OR9Q1: variants seen among roughly 807,000 people sequenced by gnomAD.
OR9Q1 encodes olfactory receptor family 9 subfamily Q member 1, also known as olfactory receptor 9Q1.
For missense variants in OR9Q1, 374 were observed against 378.8 expected, an observed-to-expected ratio of 0.99 and a Z score of 0.11; for synonymous variants, 153 against 148.6, an observed-to-expected ratio of 1.03 and a Z score of -0.22.
At chr11:58,062,416 A>C (rs1012239184) in intron 2 of OR9Q1, among the ~76,000 whole-genome samples, 1 of 152,156 alleles carries the variant, frequency 6.6e-6, no homozygotes, top group Non-Finnish European at 1.5e-5. Flanking sequence ...TCCAGTCCTA[A>C]GGATATGCCT....
intron 2 of OR9Q1, among the ~76,000 whole-genome samples, chr11:58,150,113 C>T (rs1854336177): frequency 6.6e-6 from 1 of 152,192 alleles, no homozygotes; most frequent in South Asian, 2.1e-4. Flanking sequence ...AAGTTTTTCA[C>T]ATGCTCAACA....
rs950843339 is a variant in OR9Q1, at chr11:58,180,191, C to G, written c.747C>G (p.Leu249=). The change falls in exon 3 of 3, where the codon CTC becomes CTG. Residue 249 remains leucine, a synonymous_variant. Transcript: ENST00000335397. ...CCTCCCACCTCACTGCTGTGTCACT[C>G]TTCTTTGGTACCCTCATCTTCATGT... The part of the protein sequence containing the change: ...TCTSHLTAVS[L]FFGTLIFMYL... 1.2e-6 allele frequency: 2 copies of G among 1,613,922 alleles called. No individual in the cohort carries two copies. The highest frequency in any genetic ancestry group is 2.7e-5 in the African/African-American group (2 of 74,910).
At chr11:58,152,685 G>T (rs1355371240) in intron 2 of OR9Q1, among the ~76,000 whole-genome samples, 27 of 152,042 alleles carry the variant, frequency 1.8e-4, no homozygotes, top group Non-Finnish European at 1.5e-5. Context: ...GATGCTTTTA[G>T]GCTCCAAAAA....
chr11:58,148,824 G>A (rs1854323498), intron 2 of OR9Q1, among the ~76,000 whole-genome samples: 1 of 152,188 alleles, frequency 6.6e-6, no homozygotes, highest in African/African-American at 2.4e-5. Flanking sequence ...GATAGAAGTT[G>A]AAAAGAAAGT....
At chr11:58,119,482 A>G in intron 2 of OR9Q1, 3 of 1,283,982 alleles carry the variant, frequency 2.3e-6, no homozygotes, top group Non-Finnish European at 3.3e-6. Flanking sequence ...GATGATAATG[A>G]AATAAAAAGA....
intron 2 of OR9Q1, among the ~76,000 whole-genome samples, chr11:58,151,097 C>A (rs983474994): frequency 6.6e-6 from 1 of 152,186 alleles, no homozygotes; most frequent in Admixed American, 6.5e-5. Flanking sequence ...GGGTATGCCA[C>A]ATGCAAGTTA....
intron 2 of OR9Q1, among the ~76,000 whole-genome samples, chr11:58,166,400 A>G (rs1003220807): frequency 6.6e-6 from 1 of 152,130 alleles, no homozygotes; most frequent in Non-Finnish European, 1.5e-5. Context: ...TACTTTTTGT[A>G]TTTCAACAAA....
intron 1 of OR9Q1, among the ~76,000 whole-genome samples, chr11:58,040,012 A>C (rs1380996101): frequency 2.6e-5 from 4 of 152,216 alleles, no homozygotes; most frequent in Non-Finnish European, 4.4e-5. Context: ...AATATCATGA[A>C]GTCAGTGCTA....
Position 58,179,945 on chromosome 11 carries a change from C to T in OR9Q1, c.501C>T (p.Ser167=), listed in dbSNP as rs761304225. 1 of 1,612,832 alleles carries T rather than the reference C, an allele frequency of 6.2e-7. No homozygotes were observed. Among genetic ancestry groups the T allele is most frequent in the Admixed American group, 1.7e-5 (1 of 60,016 alleles). Residue 167 remains serine, a synonymous_variant, in exon 3 of 3, where the codon TCC becomes TCT. Transcript: ENST00000335397. ...LVRTVSAFTL[S]FCGTSEIDFI... ...GGACAGTCTCAGCCTTCACTCTCTC[C>T]TTCTGTGGAACCAGTGAGATTGACT...
intron 1 of OR9Q1, among the ~76,000 whole-genome samples, chr11:58,042,461 T>A (rs1042853653): frequency 6.6e-6 from 1 of 151,772 alleles, no homozygotes; most frequent in Non-Finnish European, 1.5e-5. Context: ...GTTGTAGATA[T>A]GCGGCGTTAT....
In OR9Q1 at chr11:58,059,774, T is replaced by C. The variant is rs142855116; in HGVS notation, c.-15+3827T>C. Among the ~76,000 whole-genome samples the C allele has an allele frequency of 6.6e-5, 10 of 151,200 alleles. No homozygotes were observed. In the East Asian group the frequency reaches 1.7e-3, roughly 26 times the overall value. ...AAATAAAAATCTCTATTATTTCTAT[T>C]ATTATAGTTTTATTAACAGAAAGCA... On this transcript the variant is annotated intron_variant, in intron 2 of 2. Transcript: ENST00000335397.
intron 2 of OR9Q1, among the ~76,000 whole-genome samples, chr11:58,078,992 G>A (rs942911914): frequency 6.6e-6 from 1 of 152,316 alleles, no homozygotes; most frequent in East Asian, 1.9e-4. Context: ...CTTTTTCCAG[G>A]AGACAGCACT....
chr11:58,062,251 T>C (rs1853386847), intron 2 of OR9Q1, among the ~76,000 whole-genome samples: 1 of 152,224 alleles, frequency 6.6e-6, no homozygotes, highest in African/African-American at 2.4e-5. Context: ...ACTGGACCAT[T>C]GTGGCTCTGA....
At chr11:58,070,201 G>T (rs903721105) in intron 2 of OR9Q1, among the ~76,000 whole-genome samples, 2 of 150,972 alleles carry the variant, frequency 1.3e-5, no homozygotes, top group African/African-American at 2.4e-5. Flanking sequence ...AGTGGTGATG[G>T]GTGGGGGTTT....
intron 1 of OR9Q1, among the ~76,000 whole-genome samples, chr11:58,025,555 C>G (rs939218680): frequency 6.6e-6 from 1 of 152,110 alleles, no homozygotes; most frequent in African/African-American, 2.4e-5. Context: ...GACCCGAAGA[C>G]GTGTTGGGGC....
intron 2 of OR9Q1, among the ~76,000 whole-genome samples, chr11:58,104,174 A>C (rs1853818090): frequency 6.6e-6 from 1 of 152,188 alleles, no homozygotes; most frequent in Admixed American, 6.5e-5. Context: ...TGAAGCCAAA[A>C]ATATGAAAAA....
At chr11:58,072,701 A>C (rs1198210692) in intron 2 of OR9Q1, 2 of 155,242 alleles carry the variant, frequency 1.3e-5, no homozygotes, top group African/African-American at 4.8e-5. Context: ...AAAGTTTAGC[A>C]GGTCAAAAAG....
At chr11:58,037,690 T>TATATATAG (rs1232679301) in intron 1 of OR9Q1, among the ~76,000 whole-genome samples, 1,332 of 9,194 alleles carry the variant, frequency 0.14, 41 homozygotes, top group Non-Finnish European at 0.18. Context: ...TATATATATA[T>TATATATAG]TTTTTTTTTT....
intron 2 of OR9Q1, among the ~76,000 whole-genome samples, chr11:58,079,672 T>G (rs1459378460): frequency 6.6e-6 from 1 of 152,140 alleles, no homozygotes. Context: ...ATCATGAGAA[T>G]GCCATGTGAA....
Sources: allele counts gnomAD v4.1 joint callset (sites outside exome capture counted in the v4.1 genomes callset), GRCh38; gene constraint gnomAD v4.1.1; transcripts MANE v1.5; gene names NCBI Gene and HGNC (gene_info 2026-07-23, HGNC 2026-07-21).